Variants in RBP5 observed in about 807,000 individuals in gnomAD.
RBP5 encodes retinol binding protein 5, also known as retinol-binding protein 5.
RBP5 carries 12 observed loss-of-function variants against 17.8 expected under a neutral mutation model. The ratio of observed to expected loss-of-function variants is 0.67; its 90% CI spans 0.43 to 1.09. RBP5 has a LOEUF of 1.09. Ranked by LOEUF, RBP5 falls within the 50% of genes least tolerant of loss-of-function variation. The probability of loss-of-function intolerance (pLI) is 0.00; values close to 1 mark genes in which losing one functional copy is unlikely to be tolerated. For missense variants in RBP5, 172 were observed against 169.4 expected, an observed-to-expected ratio of 1.02 and a Z score of -0.09; for synonymous variants, 64 against 68.1, an observed-to-expected ratio of 0.94 and a Z score of 0.30.
chr12:7,128,639 C>G lies in RBP5; in HGVS notation c.73+64G>C. ...GGGCATTCCCTCTTCTCCATGGGACCAAGAAGCAGGAAGGAAGAGGGGAGA... is the reference window on the plus strand; with the variant it reads ...GGGCATTCCCTCTTCTCCATGGGACGAAGAAGCAGGAAGGAAGAGGGGAGA... On this transcript the variant is annotated intron_variant, in intron 1 of 3. Coordinates refer to ENST00000266560, the MANE Select transcript of RBP5 (RefSeq NM_031491.4). The surrounding 1 kb of genome is among the most constrained non-coding windows in gnomAD (Gnocchi z 5.3). 2 of 1,441,448 alleles carry G rather than the reference C, an allele frequency of 1.4e-6. No homozygotes were observed. Among genetic ancestry groups the G allele is most frequent in the South Asian group, 2.4e-5 (2 of 82,030 alleles). 89.3% of individuals were successfully genotyped at this position (1,441,448 alleles called of 1,614,324 possible). A position where few individuals can be genotyped will look rare whatever the true frequency, so the allele number is the denominator to read the frequency against.
chr12:7,127,592 C>T (rs1398578743), intron 2 of RBP5: 4 of 642,042 alleles, frequency 6.2e-6, no homozygotes, highest in Non-Finnish European at 1.1e-5. Context: ...TTGCAGTTTG[C>T]TGAAGCTGTG....
chr12:7,123,098 G>GC (rs1366626673), downstream of RBP5, among the ~76,000 whole-genome samples: 1 of 152,010 alleles, frequency 6.6e-6, no homozygotes, highest in Non-Finnish European at 1.5e-5. Context: ...TGATAGTTGG[G>GC]CCCCCTAGGA....
chr12:7,126,100 G>C (rs1270718071), intron 2 of RBP5, among the ~76,000 whole-genome samples: 3 of 147,710 alleles, frequency 2.0e-5, no homozygotes, highest in Admixed American at 6.7e-5. Flanking sequence ...ACACAAAAAA[G>C]CAATTTCAGG....
chr12:7,123,880 T>C lies in RBP5; in HGVS notation c.*241A>G, dbSNP rs911819917. On this transcript the variant is annotated 3_prime_UTR_variant, in exon 4 of 4. Coordinates refer to ENST00000266560, the MANE Select transcript of RBP5 (RefSeq NM_031491.4). ...CCTTCCCTTTGCCTGCTTCTTTCAT[T>C]TGGGACGCCAGACCTTGACCTGGAA... 1 of 488,674 alleles carries C rather than the reference T, an allele frequency of 2.0e-6. No homozygotes were observed. The highest frequency in any genetic ancestry group is 3.7e-6 in the Non-Finnish European group (1 of 270,848). The allele number at this position is 488,674 out of a possible 1,614,324, so 30.3% of individuals were successfully genotyped here.
Position 7,125,267 on chromosome 12 carries a change from A to G in RBP5, c.253-537T>C, listed in dbSNP as rs190847275. Among the ~76,000 whole-genome samples the G allele has an allele frequency of 2.0e-5, 3 of 152,226 alleles. No individual in the cohort carries two copies. The East Asian group carries it at 5.8e-4, about 29-fold the overall frequency. On this transcript the variant is annotated intron_variant, in intron 2 of 3. Coordinates refer to ENST00000266560, the MANE Select transcript of RBP5 (RefSeq NM_031491.4). The stretch of plus-strand genomic sequence containing the variant: ...TTGTCTACAGTGACCTTTAGGGGAG[A>G]GCAGGGGTGGTAGCAGGATAAGTAG...
Position 7,117,698 on chromosome 12 carries a change from G to A in RBP5, n.890-391C>T, listed in dbSNP as rs1317164169. On this transcript the variant is annotated intron_variant and non_coding_transcript_variant, in intron 3 of 3. Transcript: ENST00000619522. The surrounding 1 kb of genome is among the most constrained non-coding windows in gnomAD (Gnocchi z 4.9). ...AAAAGGAGAGCAGATGGGCAGGGAA[G>A]ACAAGTCCCAGATAGAATGCCCTTT... is the stretch of plus-strand genomic sequence containing the variant. 5 of 152,170 alleles carry A rather than the reference G, an allele frequency of 3.3e-5. No individual in the cohort carries two copies. The highest frequency in any genetic ancestry group is 6.5e-5 in the Admixed American group (1 of 15,282). The allele number at this position is 152,170 out of a possible 1,614,324, so 9.4% of individuals were successfully genotyped here. A position where few individuals can be genotyped will look rare whatever the true frequency, so the allele number is the denominator to read the frequency against.
chr12:7,126,492 G>A (rs1429766419), intron 2 of RBP5, among the ~76,000 whole-genome samples: 1 of 28,600 alleles, frequency 3.5e-5, no homozygotes. Flanking sequence ...GATTAGATGT[G>A]GTGGTGGTGG....
At chr12:7,120,741 T>C, downstream of RBP5, 1 of 154,694 alleles carries the variant, frequency 6.5e-6, no homozygotes, top group Middle Eastern at 6.0e-4. Flanking sequence ...GAAAGTGGCC[T>C]CACGGCTGAT....
upstream of RBP5, chr12:7,129,855 C>T (rs886085112): frequency 1.0e-6 from 1 of 972,926 alleles, no homozygotes. This position sits in a 1 kb window ranked among gnomAD's most constrained non-coding sequence, Gnocchi z 5.5. Context: ...GCACGACGTC[C>T]TGCCCCTCCT....
At position 7,128,866 on chromosome 12, in the gene RBP5, G is replaced by C. The variant is rs1425371423; in HGVS notation, c.-91C>G. On this transcript the variant is annotated 5_prime_UTR_variant, in exon 1 of 4. Coordinates refer to ENST00000266560, the MANE Select transcript of RBP5 (RefSeq NM_031491.4). The surrounding 1 kb of genome is among the most constrained non-coding windows in gnomAD (Gnocchi z 5.3). Reference sequence around the variant, plus strand: ...AGGTGAGGCTGAGAGATTCCAGCCAGCTCCACACACAGAGACAGGATGTGT... The same window carrying C: ...AGGTGAGGCTGAGAGATTCCAGCCACCTCCACACACAGAGACAGGATGTGT... 1 of 1,007,530 alleles carries C rather than the reference G, an allele frequency of 9.9e-7. No individual in the cohort carries two copies. The highest frequency in any genetic ancestry group is 1.6e-5 in the African/African-American group (1 of 62,354). 62.4% of individuals were successfully genotyped at this position (1,007,530 alleles called of 1,614,324 possible). A position where few individuals can be genotyped will look rare whatever the true frequency, so the allele number is the denominator to read the frequency against.
chr12:7,119,804 C>A (rs956307403), downstream of RBP5, among the ~76,000 whole-genome samples: 3 of 152,230 alleles, frequency 2.0e-5, no homozygotes, highest in Non-Finnish European at 4.4e-5. Context: ...AGGAAATACT[C>A]TTGGTGTTGC....
downstream of RBP5, among the ~76,000 whole-genome samples, chr12:7,121,384 T>C (rs774980496): frequency 4.6e-5 from 7 of 152,206 alleles, no homozygotes; most frequent in Non-Finnish European, 7.3e-5. Context: ...GTTACAGGAT[T>C]GGACCCGGGA....
downstream of RBP5, chr12:7,122,471 A>C (rs1208100750): frequency 6.6e-6 from 1 of 152,228 alleles, no homozygotes; most frequent in African/African-American, 2.4e-5. Flanking sequence ...CACCATGGTA[A>C]GAAGTGTCAA....
At chr12:7,126,510 G>GTGT (rs1036767880) in intron 2 of RBP5, among the ~76,000 whole-genome samples, 9 of 131,024 alleles carry the variant, frequency 6.9e-5, no homozygotes, top group Admixed American at 1.5e-4. Context: ...TGGTGGTGGT[G>GTGT]GTGTGTGTGT....
In RBP5 at chr12:7,128,610, C is replaced by T; in HGVS notation, c.73+93G>A. ...GCCTGAGCCTTTCCACAGTGTCCAA[C>T]CCCGGGCATTCCCTCTTCTCCATGG... On this transcript the variant is annotated intron_variant, in intron 1 of 3. Coordinates refer to ENST00000266560, the MANE Select transcript of RBP5 (RefSeq NM_031491.4). This position sits in a 1 kb window ranked among gnomAD's most constrained non-coding sequence, Gnocchi z 5.3. 1.5e-6 allele frequency: 2 copies of T among 1,313,042 alleles called. No individual in the cohort carries two copies. Among genetic ancestry groups the T allele is most frequent in the African/African-American group, 1.5e-5 (1 of 68,144 alleles). The allele number at this position is 1,313,042 out of a possible 1,614,324, so 81.3% of individuals were successfully genotyped here. A position where few individuals can be genotyped will look rare whatever the true frequency, so the allele number is the denominator to read the frequency against.
chr12:7,122,656 A>C (rs1240128513), downstream of RBP5, among the ~76,000 whole-genome samples: 1 of 152,170 alleles, frequency 6.6e-6, no homozygotes, highest in East Asian at 1.9e-4. Context: ...ACTCAAGAGC[A>C]AGGACACTGT....
In RBP5 at chr12:7,128,419, C is replaced by A. The variant is rs1337313206; in HGVS notation, c.74-1G>T. 1.9e-6 allele frequency: 3 copies of A among 1,613,820 alleles called. No individual in the cohort carries two copies. The highest frequency in any genetic ancestry group is 2.5e-6 in the Non-Finnish European group (3 of 1,179,876). On this transcript the variant is annotated splice_acceptor_variant, in intron 1 of 3. Transcript: ENST00000266560. LOFTEE classifies it high-confidence loss of function. This position sits in a 1 kb window ranked among gnomAD's most constrained non-coding sequence, Gnocchi z 5.3. Reference sequence around the variant, plus strand: ...ATCTTCCGCACAGCCAAGCTGATGTCTGTGGGGGCTGCCTGTTAGTAGGGG... The same window carrying A: ...ATCTTCCGCACAGCCAAGCTGATGTATGTGGGGGCTGCCTGTTAGTAGGGG...
chr12:7,128,277 T>G lies in RBP5; in HGVS notation c.215A>C (p.Glu72Ala). ...TCCGTCCACGCTCCTGAGGTCCTCC[T>G]CAAACTCCACTCCCACATCAAACTG... ...TVQFDVGVEF[E>A]EDLRSVDGRK... Residue 72 changes from glutamate (E) to alanine (A), a missense_variant, in exon 2 of 4, where the codon GAG (glutamate) becomes GCG (alanine). Coordinates refer to ENST00000266560, the MANE Select transcript of RBP5 (RefSeq NM_031491.4). The surrounding 1 kb of genome is among the most constrained non-coding windows in gnomAD (Gnocchi z 5.3). The G allele has an allele frequency of 6.2e-7, 1 of 1,614,180 alleles. No individual in the cohort carries two copies. The highest frequency in any genetic ancestry group is 2.2e-5 in the East Asian group (1 of 44,892).
At chr12:7,122,914 C>G (rs1939099883), downstream of RBP5, among the ~76,000 whole-genome samples, 1 of 152,004 alleles carries the variant, frequency 6.6e-6, no homozygotes, top group African/African-American at 2.4e-5. Flanking sequence ...ATCAGTATCA[C>G]AAGCCCCTAG....
Sources: gnomAD v4.1 joint callset for allele counts (sites outside exome capture counted in the v4.1 genomes callset) on GRCh38, gnomAD v4.1.1 for gene constraint, Gnocchi (gnomAD v3.1) non-coding constraint, MANE v1.5 for transcripts, NCBI Gene and HGNC (gene_info 2026-07-23, HGNC 2026-07-21) for gene names.